Variants in ADGRL2 observed in about 807,000 individuals in gnomAD.
ADGRL2 encodes the protein calcium-independent alpha-latrotoxin receptor 2.
Under a neutral mutation model 157.4 loss-of-function variants are expected in ADGRL2, and 44 were observed. The observed-to-expected ratio is 0.28, with a 90% CI of 0.22 to 0.36. The LOEUF (loss-of-function observed/expected upper bound fraction) is 0.36, where lower values mean the gene tolerates loss of function less well. Ranked by LOEUF, ADGRL2 falls within the 10% of genes least tolerant of loss-of-function variation. The pLI is 1.00. For synonymous variants in ADGRL2, 585 were observed against 624.7 expected, an observed-to-expected ratio of 0.94 and a Z score of 0.95; for missense variants, 1,510 against 1,768.9, an observed-to-expected ratio of 0.85 and a Z score of 2.63.
chr1:81,921,396 A>G (rs964144032), intron 3 of ADGRL2, among the ~76,000 whole-genome samples: 48 of 152,316 alleles, frequency 3.2e-4, no homozygotes, highest in Non-Finnish European at 5.6e-4. Context: ...TGCTTAATAG[A>G]TTTTATTGTG....
chr1:81,931,052 G>A (rs533915002), intron 3 of ADGRL2, among the ~76,000 whole-genome samples: 3 of 152,328 alleles, frequency 2.0e-5, no homozygotes, highest in Admixed American at 6.5e-5. Context: ...AGGAGGCTGA[G>A]GCAGGAGAAT....
chr1:81,866,383 A>G (rs1323299456), intron 2 of ADGRL2, among the ~76,000 whole-genome samples: 1 of 152,120 alleles, frequency 6.6e-6, no homozygotes, highest in Non-Finnish European at 1.5e-5. Context: ...TATAAACTCT[A>G]TGTATAAAGG....
chr1:81,801,290 T>G (rs548318046), intron 1 of ADGRL2, among the ~76,000 whole-genome samples: 2 of 152,298 alleles, frequency 1.3e-5, no homozygotes, highest in East Asian at 3.9e-4. Flanking sequence ...CACGCTAGTA[T>G]GTTTATATGA....
At chr1:81,647,876 T>C (rs2082344062) in intron 3 of ADGRL2, among the ~76,000 whole-genome samples, 1 of 152,196 alleles carries the variant, frequency 6.6e-6, no homozygotes, top group African/African-American at 2.4e-5. Flanking sequence ...TTTACATCTT[T>C]ATGTGTTGAA....
At chr1:81,324,594 A>T (rs1357458694) in intron 1 of ADGRL2, among the ~76,000 whole-genome samples, 1 of 150,964 alleles carries the variant, frequency 6.6e-6, no homozygotes, top group African/African-American at 2.4e-5. Flanking sequence ...AAAATTATAT[A>T]TACACACACA....
chr1:81,643,720 C>T (rs551271909), intron 3 of ADGRL2, among the ~76,000 whole-genome samples: 10 of 152,222 alleles, frequency 6.6e-5, no homozygotes, highest in Admixed American at 3.3e-4. Flanking sequence ...ATGAGGACAA[C>T]TACAAAACCC....
At chr1:81,962,141 T>C (rs994854937) in intron 11 of ADGRL2, among the ~76,000 whole-genome samples, 7 of 152,176 alleles carry the variant, frequency 4.6e-5, no homozygotes, top group Non-Finnish European at 7.3e-5. Context: ...TCTACCTTCT[T>C]TTACCAATTT....
At chr1:81,632,508 C>T (rs1301852708) in intron 3 of ADGRL2, among the ~76,000 whole-genome samples, 1 of 152,110 alleles carries the variant, frequency 6.6e-6, no homozygotes, top group Admixed American at 6.5e-5. Context: ...CCTGTAATCC[C>T]AGCACTTTGG....
rs1664714831 is a variant in ADGRL2, at chr1:81,992,340, C to A, written c.*1195C>A. ...CTTTTTTTTCATCCCTTTGTGTAAA[C>A]CTGTTAATAATGAGCCCATCACTAA... On this transcript the variant is annotated 3_prime_UTR_variant, in exon 24 of 24. Transcript: ENST00000686636. 1 of 152,160 alleles carries A rather than the reference C, an allele frequency of 6.6e-6. No individual in the cohort carries two copies. The highest frequency in any genetic ancestry group is 2.4e-5 in the African/African-American group (1 of 41,266). The allele number at this position is 152,160 out of a possible 1,614,324, so 9.4% of individuals were successfully genotyped here.
In ADGRL2 at chr1:81,638,488, T is replaced by C. The variant is rs550794642; in HGVS notation, c.-143+57508T>C. Among the ~76,000 whole-genome samples, 7 of 152,304 alleles carry C rather than the reference T, an allele frequency of 4.6e-5. No homozygotes were observed. The East Asian group carries it at 1.4e-3, about 29-fold the overall frequency. ...TATGCATGTATATGGCTATTTATAC[T>C]TGTATAAGTGCGATAAATAACAGCT... On this transcript the variant is annotated intron_variant, in intron 3 of 24. Transcript: ENST00000370721.
At chr1:81,679,096 G>A (rs609271) in intron 3 of ADGRL2, among the ~76,000 whole-genome samples, 51,814 of 151,998 alleles carry the variant, frequency 0.34, 8,970 homozygotes, top group Admixed American at 0.4. Flanking sequence ...AAAGTAGGTG[G>A]ACCTCGAAAT....
intron 3 of ADGRL2, among the ~76,000 whole-genome samples, chr1:81,629,766 T>C (rs1203483174): frequency 6.6e-6 from 1 of 151,818 alleles, no homozygotes; most frequent in Non-Finnish European, 1.5e-5. Flanking sequence ...TATATGTATA[T>C]ATATAGTAGA....
rs538197337 is a variant in ADGRL2, at chr1:81,829,200, TCTC to T, written c.-100-7682_-100-7680del. Among the ~76,000 whole-genome samples, 19 of 152,212 alleles carry T rather than the reference TCTC, an allele frequency of 1.2e-4. No individual in the cohort carries two copies. The South Asian group carries it at 3.7e-3, about 30-fold the overall frequency. Reference sequence around the variant, plus strand: ...GTGCTGAGATTACAGGTGTGATACATCTCCTAATATTCTTAGAGGAATCAGCTA... The same window carrying T: ...GTGCTGAGATTACAGGTGTGATACATCTAATATTCTTAGAGGAATCAGCTA... On this transcript the variant is annotated intron_variant, in intron 1 of 23. Coordinates refer to ENST00000686636, the MANE Select transcript of ADGRL2 (RefSeq NM_001366006.2).
At chr1:81,532,234 T>C (rs1176017389) in intron 2 of ADGRL2, among the ~76,000 whole-genome samples, 1 of 152,166 alleles carries the variant, frequency 6.6e-6, no homozygotes, top group Non-Finnish European at 1.5e-5. Flanking sequence ...TTCTACTCAT[T>C]TTTCATGTTC....
chr1:81,869,093 A>T lies in ADGRL2; in HGVS notation c.73+32036A>T, dbSNP rs569702877. ...AATCAGTCAGACTTGGAGATGGGAG[A>T]AGTGATGTCAAGGATTGCTTACTCT... On this transcript the variant is annotated intron_variant, in intron 2 of 23. Coordinates refer to ENST00000686636, the MANE Select transcript of ADGRL2 (RefSeq NM_001366006.2). Among the ~76,000 whole-genome samples, 23 of 152,146 alleles carry T rather than the reference A, an allele frequency of 1.5e-4. No individual in the cohort carries two copies. In the East Asian group the frequency reaches 4.4e-3, roughly 29 times the overall value.
intron 1 of ADGRL2, chr1:81,427,752 C>A (rs1570939385): frequency 5.5e-6 from 2 of 364,966 alleles, no homozygotes; most frequent in African/African-American, 4.1e-5. Flanking sequence ...GATCCATAGT[C>A]AGAAAAGTTA....
intron 1 of ADGRL2, among the ~76,000 whole-genome samples, chr1:81,747,036 A>T (rs1034369852): frequency 7.8e-6 from 1 of 129,026 alleles, no homozygotes; most frequent in Non-Finnish European, 1.8e-5. Context: ...GTATATACGT[A>T]TATATATGTA....
At chr1:81,453,676 C>T (rs1348755370) in intron 2 of ADGRL2, among the ~76,000 whole-genome samples, 5 of 152,132 alleles carry the variant, frequency 3.3e-5, no homozygotes, top group Non-Finnish European at 5.9e-5. Context: ...GTTTAGTGGA[C>T]TGGTGACTTT....
intron 1 of ADGRL2, among the ~76,000 whole-genome samples, chr1:81,820,434 C>A (rs61773936): frequency 0.026 from 3,900 of 152,170 alleles, 77 homozygotes; most frequent in Non-Finnish European, 0.038. Flanking sequence ...CATGGAAACT[C>A]TCAGTAAATG....
Sources: allele counts gnomAD v4.1 joint callset (sites outside exome capture counted in the v4.1 genomes callset), GRCh38; gene constraint gnomAD v4.1.1; transcripts MANE v1.5; gene names NCBI Gene and HGNC (gene_info 2026-07-23, HGNC 2026-07-21).